ALG14: variants seen among roughly 807,000 people sequenced by gnomAD.
ALG14 encodes the protein ALG14 UDP-N-acetylglucosaminyltransferase subunit, also known as UDP-N-acetylglucosamine transferase subunit ALG14.
Under a neutral mutation model 22.8 loss-of-function variants are expected in ALG14, and 17 were observed. That is an observed-to-expected ratio of 0.75 (90% confidence interval 0.51 to 1.12). The LOEUF is 1.12. ALG14 is among the 50% of genes most tolerant of loss of function. The probability of loss-of-function intolerance (pLI) is 0.00; values close to 1 mark genes in which losing one functional copy is unlikely to be tolerated. For missense variants in ALG14, 288 were observed against 271.8 expected, an observed-to-expected ratio of 1.06 and a Z score of -0.42; for synonymous variants, 89 against 103.7, an observed-to-expected ratio of 0.86 and a Z score of 0.86.
chr1:95,045,937 TA>T (rs1159608169), intron 2 of ALG14, among the ~76,000 whole-genome samples: 4 of 93,174 alleles, frequency 4.3e-5, no homozygotes, highest in African/African-American at 1.6e-4. Context: ...ACTAATAGAA[TA>T]GTATACTAAT....
chr1:95,035,240 T>G (rs1482745223), intron 2 of ALG14, among the ~76,000 whole-genome samples: 1 of 152,224 alleles, frequency 6.6e-6, no homozygotes, highest in African/African-American at 2.4e-5. Flanking sequence ...TTTCTTTCTT[T>G]GTAGTTCAAT....
At chr1:95,069,114 T>C (rs1364444694) in intron 1 of ALG14, among the ~76,000 whole-genome samples, 1 of 152,228 alleles carries the variant, frequency 6.6e-6, no homozygotes, top group Non-Finnish European at 1.5e-5. Flanking sequence ...AAGGCTCCTA[T>C]TTGTTTCTCT....
intron 1 of ALG14, among the ~76,000 whole-genome samples, chr1:95,065,927 CTACCT>C (rs1675344628): frequency 6.6e-6 from 1 of 152,162 alleles, no homozygotes; most frequent in Admixed American, 6.5e-5. Flanking sequence ...AATAGAATAT[CTACCT>C]ATCTATAAAC....
At chr1:94,995,837 T>C (rs1672895982) in intron 3 of ALG14, among the ~76,000 whole-genome samples, 1 of 152,228 alleles carries the variant, frequency 6.6e-6, no homozygotes, top group African/African-American at 2.4e-5. Flanking sequence ...TTTCCTTTAA[T>C]TGTCCATCAC....
In ALG14 at chr1:94,975,859, A is replaced by C. The variant is rs1347293080; in HGVS notation, c.*7217T>G. On this transcript the variant is annotated 3_prime_UTR_variant, in exon 4 of 4. Coordinates refer to ENST00000370205, the MANE Select transcript of ALG14 (RefSeq NM_144988.4). ...ACTAAAAATACAAAAAAAACAAACA[A>C]AAAAAAAATTAGCCGGGCGTGGTGA... is the stretch of plus-strand genomic sequence containing the variant. 1 of 150,270 alleles carries C rather than the reference A, an allele frequency of 6.7e-6. No homozygotes were observed. The highest frequency in any genetic ancestry group is 1.9e-4 in the East Asian group (1 of 5,142). The allele number at this position is 150,270 out of a possible 1,614,324, so 9.3% of individuals were successfully genotyped here.
intron 3 of ALG14, among the ~76,000 whole-genome samples, chr1:95,000,987 C>A (rs1673049875): frequency 6.6e-6 from 1 of 152,206 alleles, no homozygotes; most frequent in Non-Finnish European, 1.5e-5. Context: ...TCCACAGCCA[C>A]AATAGGAGGT....
At position 94,980,954 on chromosome 1, in the gene ALG14, G is replaced by A. The variant is rs1429809264; in HGVS notation, c.*2122C>T. 1.3e-5 allele frequency: 2 copies of A among 151,924 alleles called. No individual in the cohort carries two copies. The highest frequency in any genetic ancestry group is 2.9e-5 in the Non-Finnish European group (2 of 67,988). 9.4% of individuals were successfully genotyped at this position (151,924 alleles called of 1,614,324 possible). ...TACAATTCTCTCTGGTCTGATCTTTGTTAAGCTCTGACCTGACAGAAGCCT... is the reference window on the plus strand; with the variant it reads ...TACAATTCTCTCTGGTCTGATCTTTATTAAGCTCTGACCTGACAGAAGCCT... On this transcript the variant is annotated 3_prime_UTR_variant, in exon 4 of 4. Transcript: ENST00000370205.
chr1:94,988,168 T>A (rs1672688633), intron 3 of ALG14, among the ~76,000 whole-genome samples: 1 of 152,072 alleles, frequency 6.6e-6, no homozygotes, highest in South Asian at 2.1e-4. Flanking sequence ...ATTGGCTCCA[T>A]TACGTAGACA....
chr1:95,025,990 T>C (rs1557959792), intron 3 of ALG14, among the ~76,000 whole-genome samples: 1 of 152,190 alleles, frequency 6.6e-6, no homozygotes, highest in East Asian at 1.9e-4. Context: ...TGGAGTGCAG[T>C]GGTGCGATCT....
chr1:95,023,499 A>G (rs1455136332), intron 3 of ALG14, among the ~76,000 whole-genome samples: 1 of 152,232 alleles, frequency 6.6e-6, no homozygotes, highest in African/African-American at 2.4e-5. Flanking sequence ...AAATGACTAA[A>G]TAAAATAATG....
chr1:95,011,870 T>G, intron 3 of ALG14, among the ~76,000 whole-genome samples: 1 of 152,242 alleles, frequency 6.6e-6, no homozygotes, highest in East Asian at 1.9e-4. Context: ...TTTGTATTTT[T>G]AATGACTTAA....
intron 3 of ALG14, among the ~76,000 whole-genome samples, chr1:95,007,211 C>T (rs991105067): frequency 6.6e-5 from 10 of 152,090 alleles, no homozygotes; most frequent in African/African-American, 2.4e-4. Context: ...GAGGGGTTTT[C>T]CCCCTTTGTT....
intron 2 of ALG14, among the ~76,000 whole-genome samples, chr1:95,030,284 C>A (rs577495155): frequency 6.6e-6 from 1 of 151,424 alleles, no homozygotes; most frequent in Non-Finnish European, 1.5e-5. Context: ...CAGGTTTTGC[C>A]GTTAAATAAG....
rs148476653 is a variant in ALG14, at chr1:95,004,432, G to C, written c.421-21126C>G. On this transcript the variant is annotated intron_variant, in intron 3 of 3. Transcript: ENST00000370205. Reference sequence around the variant, plus strand: ...AGACAAAGTTTTGCCATTTTGGCCAGGATGGTCTCGAACTCCTGACCTCAG... The same window carrying C: ...AGACAAAGTTTTGCCATTTTGGCCACGATGGTCTCGAACTCCTGACCTCAG... 2.6e-5 allele frequency among the ~76,000 whole-genome samples: 4 copies of C among 152,036 alleles called. No homozygotes were observed. In the East Asian group the frequency reaches 7.7e-4, roughly 29 times the overall value.
rs1297920638 is a variant in ALG14, at chr1:94,977,163, A to G, written c.*5913T>C. 1 of 152,220 alleles carries G rather than the reference A, an allele frequency of 6.6e-6. No individual in the cohort carries two copies. Among genetic ancestry groups the G allele is most frequent in the Non-Finnish European group, 1.5e-5 (1 of 68,040 alleles). The allele number at this position is 152,220 out of a possible 1,614,324, so 9.4% of individuals were successfully genotyped here. ...CAATTTTTTACACAGCGATAAAACT[A>G]ATACACAGATCACTGACTGACTAAA... is the stretch of plus-strand genomic sequence containing the variant. On this transcript the variant is annotated 3_prime_UTR_variant, in exon 4 of 4. Transcript: ENST00000370205.
intron 2 of ALG14, among the ~76,000 whole-genome samples, chr1:95,059,939 T>G (rs1288229639): frequency 6.6e-6 from 1 of 152,012 alleles, no homozygotes; most frequent in Non-Finnish European, 1.5e-5. Flanking sequence ...CACTATTGAT[T>G]TCTTCAGCAA....
chr1:95,058,670 T>C lies in ALG14; in HGVS notation c.288+6196A>G, dbSNP rs5013524. Among the ~76,000 whole-genome samples, 416 of 125,710 alleles carry C rather than the reference T, an allele frequency of 3.3e-3. 2 individuals carry two copies. Among genetic ancestry groups the C allele is most frequent in the African/African-American group, 0.012 (403 of 32,612 alleles). 82.5% of individuals were successfully genotyped at this position (125,710 alleles called of 152,430 possible). A position where few individuals can be genotyped will look rare whatever the true frequency, so the allele number is the denominator to read the frequency against. On this transcript the variant is annotated intron_variant, in intron 2 of 3. Transcript: ENST00000370205. ...CAGAGCTGAAAAGACTCTGGAAATA[T>C]ACCGTCCATATAACCTTTCTCAAAA...
intron 2 of ALG14, among the ~76,000 whole-genome samples, chr1:95,040,982 A>G (rs1674359336): frequency 6.6e-6 from 1 of 152,212 alleles, no homozygotes. Flanking sequence ...GTCTAGAGAT[A>G]GAGGAAGGAA....
At chr1:95,002,054 C>T (rs1673084278) in intron 3 of ALG14, among the ~76,000 whole-genome samples, 1 of 152,172 alleles carries the variant, frequency 6.6e-6, no homozygotes, top group Non-Finnish European at 1.5e-5. Context: ...TAAATTCATG[C>T]TTCAATATGG....
Sources: gnomAD v4.1 joint callset for allele counts (sites outside exome capture counted in the v4.1 genomes callset) on GRCh38, gnomAD v4.1.1 for gene constraint, MANE v1.5 for transcripts, NCBI Gene and HGNC (gene_info 2026-07-23, HGNC 2026-07-21) for gene names.